The following KLHL22 variants were observed in gnomAD, a reference collection of about 807,000 sequenced individuals.
The protein encoded by KLHL22 is kelch like family member 22, also known as kelch-like protein 22.
In KLHL22, 18 loss-of-function variants were observed where a neutral mutation model predicts 60.7. That is an observed-to-expected ratio of 0.30 (90% CI 0.20 to 0.44). The LOEUF (loss-of-function observed/expected upper bound fraction) is 0.44. Ranked by LOEUF, KLHL22 falls within the 20% of genes least tolerant of loss-of-function variation. The probability of loss-of-function intolerance (pLI) is 1.00; values close to 1 mark genes in which losing one functional copy is unlikely to be tolerated. For missense variants in KLHL22, 596 were observed against 852.3 expected, an observed-to-expected ratio of 0.70 and a Z score of 3.74; for synonymous variants, 355 against 354.5, an observed-to-expected ratio of 1.00 and a Z score of -0.01.
chr22:20,488,914 G>A lies in KLHL22; in HGVS notation c.227+71C>T, dbSNP rs564569031. 3.2e-5 allele frequency: 47 copies of A among 1,452,054 alleles called. No individual in the cohort carries two copies. The African/African-American group carries it at 5.3e-4, about 16-fold the overall frequency. 89.9% of individuals were successfully genotyped at this position (1,452,054 alleles called of 1,614,324 possible). ...GAGCAGGAGACCAGCCACTGTCACC[G>A]CCAGTACCTTTACTAGCAGAGCCAG... On this transcript the variant is annotated intron_variant, in intron 2 of 6. Coordinates refer to ENST00000328879, the MANE Select transcript of KLHL22 (RefSeq NM_032775.4).
At chr22:20,472,179 G>A (rs1470932820) in intron 2 of KLHL22, among the ~76,000 whole-genome samples, 2 of 152,172 alleles carry the variant, frequency 1.3e-5, no homozygotes, top group African/African-American at 4.8e-5. Context: ...CCTGGGAGAC[G>A]GAGGGTGCCA....
chr22:20,470,282 G>A (rs1022037953), intron 3 of KLHL22, among the ~76,000 whole-genome samples: 1 of 151,704 alleles, frequency 6.6e-6, no homozygotes. Context: ...CTAGGAGGTG[G>A]AGGCTACAGT....
In KLHL22 at chr22:20,495,581, G is replaced by T. The variant is rs929386835; in HGVS notation, c.-34+179C>A. Among the ~76,000 whole-genome samples the T allele has an allele frequency of 2.7e-5, 4 of 150,336 alleles. No homozygotes were observed. Among genetic ancestry groups the T allele is most frequent in the African/African-American group, 9.7e-5 (4 of 41,142 alleles). ...CGGGGATCCCGCCGGCCGCGTCCCC[G>T]CCACGTCAGGCCGCGGGCTCTCCTC... On this transcript the variant is annotated intron_variant, in intron 1 of 6. Transcript: ENST00000328879. The surrounding 1 kb of genome is among the most constrained non-coding windows in gnomAD (Gnocchi z 4.6).
intron 2 of KLHL22, among the ~76,000 whole-genome samples, chr22:20,474,300 G>A (rs755522134): frequency 4.6e-5 from 7 of 152,192 alleles, no homozygotes; most frequent in East Asian, 1.9e-4. Context: ...CACCCAGCCC[G>A]GTTTTTACTT....
intron 1 of KLHL22, among the ~76,000 whole-genome samples, chr22:20,492,315 C>T (rs1217492931): frequency 6.6e-6 from 1 of 152,132 alleles, no homozygotes; most frequent in East Asian, 1.9e-4. Context: ...CCTCCAGGGC[C>T]ACCACTCTGG....
At position 20,488,812 on chromosome 22, in the gene KLHL22, G is replaced by A. The variant is rs1041303780; in HGVS notation, c.227+173C>T. The stretch of plus-strand genomic sequence containing the variant: ...GAAACAGGATCACTGAATGAAAAAT[G>A]AACTCTAAGACCCCCTTCTGTCTCT... On this transcript the variant is annotated intron_variant, in intron 2 of 6. Coordinates refer to ENST00000328879, the MANE Select transcript of KLHL22 (RefSeq NM_032775.4). 7 of 614,354 alleles carry A rather than the reference G, an allele frequency of 1.1e-5. No individual in the cohort carries two copies. The African/African-American group carries it at 1.3e-4, about 11-fold the overall frequency. 38.1% of individuals were successfully genotyped at this position (614,354 alleles called of 1,614,324 possible).
chr22:20,491,096 G>A (rs1293074154), intron 1 of KLHL22: 1 of 152,140 alleles, frequency 6.6e-6, no homozygotes, highest in Non-Finnish European at 1.5e-5. Flanking sequence ...AAATACTCAT[G>A]TCTACTGGTT....
intron 5 of KLHL22, among the ~76,000 whole-genome samples, chr22:20,456,709 T>C (rs2053068312): frequency 6.6e-6 from 1 of 152,204 alleles, no homozygotes; most frequent in African/African-American, 2.4e-5. Context: ...AGCTTGCAGC[T>C]CACAGCTGCC....
chr22:20,459,658 C>A (rs987595286), intron 4 of KLHL22, among the ~76,000 whole-genome samples: 1 of 152,214 alleles, frequency 6.6e-6, no homozygotes, highest in Non-Finnish European at 1.5e-5. Flanking sequence ...TGGCTCAGGA[C>A]AGATTATGTT....
rs770146011 is a variant in KLHL22, at chr22:20,464,880, G to A, written c.1090C>T (p.Arg364Ter). ...TACCTCCAGCATCGGGACTCTGCTC[G>A]AAATCCTTGGACATTGTTGTCCCCT... ...IGGDNNVQGF[R>*]AESRCWRYDP... The change falls in exon 4 of 7, where the codon CGA (arginine) becomes TGA (stop). Residue 364 changes from arginine to a stop codon, truncating the protein, a stop_gained. Coordinates refer to ENST00000328879, the MANE Select transcript of KLHL22 (RefSeq NM_032775.4). LOFTEE classifies it high-confidence loss of function. The A allele has an allele frequency of 6.5e-6, 10 of 1,540,512 alleles. No individual in the cohort carries two copies. Among genetic ancestry groups the A allele is most frequent in the Non-Finnish European group, 8.7e-6 (10 of 1,143,122 alleles).
intron 5 of KLHL22, among the ~76,000 whole-genome samples, chr22:20,456,742 G>A (rs1429795544): frequency 6.6e-6 from 1 of 152,250 alleles, no homozygotes; most frequent in African/African-American, 2.4e-5. Context: ...ATCTGTGTGG[G>A]CTGTGTGAAT....
chr22:20,472,895 G>A (rs182629546), intron 2 of KLHL22, among the ~76,000 whole-genome samples: 235 of 152,256 alleles, frequency 1.5e-3, no homozygotes, highest in African/African-American at 5.4e-3. Context: ...GTAGGCAGCC[G>A]GGGAGGGAGT....
rs184980094 is a variant in KLHL22, at chr22:20,451,136, G to A, written c.1306-4460C>T. The stretch of plus-strand genomic sequence containing the variant: ...TACGTCATTGGTGGCTGTGATGGTC[G>A]TTCCAGCCTTAGTTCAGTGGAATGT... On this transcript the variant is annotated intron_variant, in intron 5 of 6. Transcript: ENST00000328879. The A allele has an allele frequency of 5.3e-4, 813 of 1,539,806 alleles. 5 individuals carry two copies. The African/African-American group carries it at 0.01, about 19-fold the overall frequency.
intron 2 of KLHL22, among the ~76,000 whole-genome samples, chr22:20,486,940 C>T (rs910921954): frequency 6.6e-6 from 1 of 151,562 alleles, no homozygotes; most frequent in Admixed American, 6.6e-5. Flanking sequence ...CTTGGCCTCC[C>T]GAAGTGCTGG....
At chr22:20,482,465 C>T (rs2053518617) in intron 2 of KLHL22, among the ~76,000 whole-genome samples, 1 of 152,050 alleles carries the variant, frequency 6.6e-6, no homozygotes, top group Admixed American at 6.5e-5. Flanking sequence ...ACTCATGGCT[C>T]ACTGTAGCCT....
chr22:20,493,552 C>T (rs1013441731), intron 1 of KLHL22, among the ~76,000 whole-genome samples: 1 of 152,044 alleles, frequency 6.6e-6, no homozygotes, highest in Non-Finnish European at 1.5e-5. Context: ...GAGGCTGAGG[C>T]GGATGAATCA....
At chr22:20,459,105 C>T (rs1238744517) in intron 4 of KLHL22, among the ~76,000 whole-genome samples, 1 of 152,218 alleles carries the variant, frequency 6.6e-6, no homozygotes, top group Non-Finnish European at 1.5e-5. Context: ...AGCTCAAAGC[C>T]AGTATCTGAA....
At chr22:20,477,888 T>A (rs1224403084) in intron 2 of KLHL22, among the ~76,000 whole-genome samples, 1 of 152,166 alleles carries the variant, frequency 6.6e-6, no homozygotes, top group Non-Finnish European at 1.5e-5. Flanking sequence ...CATGGCTCAA[T>A]CATAAATTTT....
At chr22:20,450,812 T>C in intron 5 of KLHL22, 8 of 1,497,598 alleles carry the variant, frequency 5.3e-6, no homozygotes, top group Non-Finnish European at 7.5e-6. Flanking sequence ...CTCAGGTATA[T>C]CACAGATGTA....
Sources: allele counts gnomAD v4.1 joint callset (sites outside exome capture counted in the v4.1 genomes callset), GRCh38; gene constraint gnomAD v4.1.1; non-coding constraint Gnocchi (gnomAD v3.1); transcripts MANE v1.5; gene names NCBI Gene and HGNC (gene_info 2026-07-23, HGNC 2026-07-21).